Variants in BMPR1B observed in about 807,000 individuals in gnomAD.
BMPR1B encodes the protein bone morphogenetic protein receptor type-1B.
In BMPR1B, 12 loss-of-function variants were observed where a neutral mutation model predicts 59.1. The ratio of observed to expected loss-of-function variants is 0.20; its 90% CI spans 0.13 to 0.33. The LOEUF (loss-of-function observed/expected upper bound fraction) is 0.33. BMPR1B is among the 10% of genes least tolerant of loss of function. The pLI, the probability that BMPR1B is intolerant of heterozygous loss-of-function variation, is 1.00. For missense variants in BMPR1B, 550 were observed against 610.9 expected, an observed-to-expected ratio of 0.90 and a Z score of 1.05; for synonymous variants, 237 against 207.3, an observed-to-expected ratio of 1.14 and a Z score of -1.23.
chr4:95,015,236 C>T (rs1026269436), intron 3 of BMPR1B, among the ~76,000 whole-genome samples: 5 of 152,094 alleles, frequency 3.3e-5, no homozygotes, highest in African/African-American at 1.2e-4. Flanking sequence ...GATCATTTAA[C>T]TGAAAAATGT....
At chr4:95,114,666 A>G in intron 4 of BMPR1B, 54 bp from the exon 5 acceptor site, 1 of 1,423,930 alleles carries the variant, frequency 7.0e-7, no homozygotes. Flanking sequence ...ACACACACAC[A>G]CACTGACTCA....
chr4:95,139,376 G>A (rs1734046107), intron 10 of BMPR1B, among the ~76,000 whole-genome samples: 1 of 152,184 alleles, frequency 6.6e-6, no homozygotes, highest in African/African-American at 2.4e-5. Flanking sequence ...ACCCACTGGA[G>A]GAGGCAGTCT....
At chr4:94,788,323 G>T (rs1389657339) in intron 1 of BMPR1B, among the ~76,000 whole-genome samples, 4 of 152,154 alleles carry the variant, frequency 2.6e-5, no homozygotes, top group East Asian at 3.9e-4. Context: ...AGGAGTTAAG[G>T]TTATTGCTAC....
At chr4:95,101,899 C>A (rs188957686) in intron 3 of BMPR1B, among the ~76,000 whole-genome samples, 23 of 152,098 alleles carry the variant, frequency 1.5e-4, no homozygotes, top group Non-Finnish European at 2.6e-4. Flanking sequence ...TTAGTGTCTC[C>A]TCCCTTGATC....
At chr4:95,103,114 A>G (rs1320022972) in intron 3 of BMPR1B, among the ~76,000 whole-genome samples, 1 of 151,634 alleles carries the variant, frequency 6.6e-6, no homozygotes, top group Admixed American at 6.6e-5. Flanking sequence ...TATAGTTAAT[A>G]GAGAGAAAAT....
At chr4:94,829,114 A>ATCTGACC (rs1312767583) in intron 1 of BMPR1B, among the ~76,000 whole-genome samples, 1 of 152,136 alleles carries the variant, frequency 6.6e-6, no homozygotes, top group Non-Finnish European at 1.5e-5. Flanking sequence ...TAGATTAAAT[A>ATCTGACC]TCTGACCTCA....
chr4:94,891,829 T>G (rs542681201), intron 2 of BMPR1B, among the ~76,000 whole-genome samples: 17 of 152,118 alleles, frequency 1.1e-4, no homozygotes, highest in Non-Finnish European at 2.4e-4. Flanking sequence ...AAGAATGGTT[T>G]GCCTGTTTGT....
chr4:94,887,403 C>CAAAAAAAAAAAAA (rs57818132), intron 2 of BMPR1B, among the ~76,000 whole-genome samples: 10 of 54,808 alleles, frequency 1.8e-4, no homozygotes, highest in African/African-American at 2.1e-4. Flanking sequence ...CACCCCCCAC[C>CAAAAAAAAAAAAA]AAAAAAAAAA....
intron 2 of BMPR1B, among the ~76,000 whole-genome samples, chr4:94,888,877 A>C (rs1727284361): frequency 6.6e-6 from 1 of 152,094 alleles, no homozygotes; most frequent in Admixed American, 6.6e-5. Flanking sequence ...ATAATGATAT[A>C]TCTCCAAGGA....
At chr4:94,866,299 C>T (rs1049503337) in intron 1 of BMPR1B, among the ~76,000 whole-genome samples, 3 of 152,170 alleles carry the variant, frequency 2.0e-5, no homozygotes, top group African/African-American at 7.2e-5. Flanking sequence ...CAGTTTCTGC[C>T]TTGTGTCAAC....
chr4:94,948,244 C>T (rs1179016190), intron 2 of BMPR1B, among the ~76,000 whole-genome samples: 1 of 152,150 alleles, frequency 6.6e-6, no homozygotes, highest in African/African-American at 2.4e-5. Context: ...AGCCTTTATC[C>T]ATACCAGGTG....
At chr4:94,767,489 G>T (rs952987612) in intron 1 of BMPR1B, among the ~76,000 whole-genome samples, 2 of 152,022 alleles carry the variant, frequency 1.3e-5, no homozygotes, top group African/African-American at 4.8e-5. Flanking sequence ...GTGTCAGTAA[G>T]TTGTTTTCAT....
Position 94,840,638 on chromosome 4 carries a change from A to G in BMPR1B, c.-182-35193A>G, listed in dbSNP as rs1477183302. Among the ~76,000 whole-genome samples the G allele has an allele frequency of 1.4e-5, 2 of 144,830 alleles. 1 individual carries two copies. The highest frequency in any genetic ancestry group is 3.1e-5 in the Non-Finnish European group (2 of 65,404). Reference sequence around the variant, plus strand: ...TCAGCTCCTTTAAGCACTTCTTTGTATTGGTTATTGTAGTTATACATTCTT... The same window carrying G: ...TCAGCTCCTTTAAGCACTTCTTTGTGTTGGTTATTGTAGTTATACATTCTT... On this transcript the variant is annotated intron_variant, in intron 1 of 12. Transcript: ENST00000515059.
At chr4:94,993,136 C>A (rs1721852060) in intron 2 of BMPR1B, among the ~76,000 whole-genome samples, 1 of 152,194 alleles carries the variant, frequency 6.6e-6, no homozygotes, top group South Asian at 2.1e-4. Flanking sequence ...AGAAATCCTT[C>A]TGCCTTGGCT....
intron 1 of BMPR1B, among the ~76,000 whole-genome samples, chr4:94,868,161 C>A (rs552591543): frequency 1.5e-4 from 22 of 151,058 alleles, no homozygotes; most frequent in African/African-American, 5.4e-4. Context: ...CCATACCCAG[C>A]CTTACTTCTT....
chr4:94,978,679 A>G (rs555293845), intron 2 of BMPR1B, among the ~76,000 whole-genome samples: 4 of 152,310 alleles, frequency 2.6e-5, no homozygotes, highest in South Asian at 4.1e-4. Context: ...AGTAGAAAGA[A>G]CTTAGAACCC....
intron 2 of BMPR1B, among the ~76,000 whole-genome samples, chr4:94,897,941 CTTTTTTTTTT>C (rs869186341): frequency 6.6e-5 from 6 of 90,336 alleles, no homozygotes; most frequent in East Asian, 5.9e-4. Context: ...AATTCTTTTC[CTTTTTTTTTT>C]TTTTTTTTTT....
chr4:95,131,287 A>G lies in BMPR1B; in HGVS notation c.851A>G (p.Asn284Ser), dbSNP rs1733338810. The G allele has an allele frequency of 3.1e-6, 5 of 1,613,924 alleles. No individual in the cohort carries two copies. The highest frequency in any genetic ancestry group is 4.2e-6 in the Non-Finnish European group (5 of 1,179,914). ...QLYLITDYHE[N>S]GSLYDYLKST... ...TACCTAATCACAGACTATCATGAAA[A>G]TGGTTCCCTTTATGATTATCTGAAG... Residue 284 changes from asparagine to serine, a missense_variant, in exon 10 of 13, where the codon AAT becomes AGT. Physicochemically the swap from Asn to Ser is conservative, Grantham distance 46 (BLOSUM62 1). Around this residue, in one of 6 missense-constraint regions of BMPR1B, gnomAD observed 318 missense variants for 284.6 expected, o/e 1.12. Transcript: ENST00000515059.
At chr4:94,948,896 T>C (rs1183840003) in intron 2 of BMPR1B, among the ~76,000 whole-genome samples, 1 of 152,214 alleles carries the variant, frequency 6.6e-6, no homozygotes, top group Non-Finnish European at 1.5e-5. Flanking sequence ...TGGGTGTTGC[T>C]TTCTAGCTAG....
Sources: gnomAD v4.1 joint callset for allele counts (sites outside exome capture counted in the v4.1 genomes callset) on GRCh38, gnomAD v4.1.1 for gene constraint, gnomAD v4.1.1 regional missense constraint, MANE v1.5 for transcripts, NCBI Gene and HGNC (gene_info 2026-07-23, HGNC 2026-07-21) for gene names.